Variants in GMPR observed in about 807,000 individuals in gnomAD.
GMPR encodes the protein guanosine monophosphate reductase.
In GMPR, 31 loss-of-function variants were observed where a neutral mutation model predicts 38.4. The observed-to-expected ratio is 0.81, with a 90% CI of 0.61 to 1.09. GMPR has a LOEUF of 1.09. GMPR is among the 50% of genes least tolerant of loss of function. The pLI, the probability that GMPR is intolerant of heterozygous loss-of-function variation, is 0.00. For missense variants in GMPR, 468 were observed against 453.7 expected (o/e 1.03, Z -0.29); for synonymous variants, 162 against 173.3 (o/e 0.93, Z 0.51).
chr6:16,276,297 G>A (rs1759470921), intron 5 of GMPR, among the ~76,000 whole-genome samples: 1 of 152,044 alleles, frequency 6.6e-6, no homozygotes, highest in Non-Finnish European at 1.5e-5. Flanking sequence ...AGCCTCCTGA[G>A]TAACTGGGAT....
intron 4 of GMPR, 140 bp downstream of exon 4, chr6:16,254,875 G>A (rs1758945267): frequency 5.0e-6 from 3 of 604,646 alleles, no homozygotes; most frequent in East Asian, 2.6e-5. Flanking sequence ...GGATCATTTG[G>A]GAAAGGATAG....
chr6:16,246,334 A>G (rs1004342206), intron 1 of GMPR, among the ~76,000 whole-genome samples: 5 of 152,210 alleles, frequency 3.3e-5, no homozygotes, highest in Admixed American at 6.5e-5. Context: ...GTTGCAATGT[A>G]CTTTCCACCA....
chr6:16,266,129 CT>C (rs1759208487), intron 4 of GMPR, among the ~76,000 whole-genome samples: 2 of 106,356 alleles, frequency 1.9e-5, no homozygotes, highest in African/African-American at 9.7e-5. Context: ...AGCTGTAACA[CT>C]TGCCATCTTT....
chr6:16,260,709 G>C (rs1759067308), intron 4 of GMPR, among the ~76,000 whole-genome samples: 1 of 152,018 alleles, frequency 6.6e-6, no homozygotes, highest in Non-Finnish European at 1.5e-5. Flanking sequence ...GCCTTTGCTG[G>C]TGTGTGGCGA....
Position 16,274,509 on chromosome 6 carries a change from A to C in GMPR, c.547+13A>C, listed in dbSNP as rs763561635. ...GGAGTTGGACCAGGTAAGACTTGTT[A>C]GGAGCACAGCAGAGGACGTGTGTGG... is the stretch of plus-strand genomic sequence containing the variant. On this transcript the variant is annotated intron_variant, in intron 5 of 8. Coordinates refer to ENST00000259727, the MANE Select transcript of GMPR (RefSeq NM_006877.4). 3 of 1,486,302 alleles carry C rather than the reference A, an allele frequency of 2.0e-6. No homozygotes were observed. Among genetic ancestry groups the C allele is most frequent in the Non-Finnish European group, 2.8e-6 (3 of 1,063,288 alleles). 92.1% of individuals were successfully genotyped at this position (1,486,302 alleles called of 1,614,324 possible). A position where few individuals can be genotyped will look rare whatever the true frequency, so the allele number is the denominator to read the frequency against.
At chr6:16,288,438 G>A (rs1291782978) in intron 7 of GMPR, among the ~76,000 whole-genome samples, 1 of 152,230 alleles carries the variant, frequency 6.6e-6, no homozygotes, top group East Asian at 1.9e-4. Context: ...CTCCAGCAGT[G>A]CCAGCCCACT....
chr6:16,247,884 G>C (rs1265872592), intron 2 of GMPR, among the ~76,000 whole-genome samples: 1 of 152,060 alleles, frequency 6.6e-6, no homozygotes, highest in African/African-American at 2.4e-5. Context: ...AAAGCTCAAA[G>C]TCTCTTTTAG....
intron 7 of GMPR, among the ~76,000 whole-genome samples, chr6:16,286,632 T>A (rs1338982626): frequency 6.6e-6 from 1 of 152,024 alleles, no homozygotes; most frequent in African/African-American, 2.4e-5. Flanking sequence ...ATTTTCAGGC[T>A]GGGTGCGGTG....
intron 6 of GMPR, 68 bp from the exon 7 acceptor site, chr6:16,285,725 G>C (rs950815824): frequency 1.6e-5 from 22 of 1,338,458 alleles, no homozygotes; most frequent in Non-Finnish European, 2.0e-5. Context: ...TAGGTCATCT[G>C]GGGGGAGGGG....
chr6:16,288,570 CTCCCTAA>C, intron 7 of GMPR, among the ~76,000 whole-genome samples: 1 of 152,304 alleles, frequency 6.6e-6, no homozygotes, highest in Non-Finnish European at 1.5e-5. Context: ...CGGCGGGAGC[CTCCCTAA>C]TGAGCGCCGC....
rs564053238 is a variant in GMPR, at chr6:16,253,572, C to T, written c.292-990C>T. Among the ~76,000 whole-genome samples the T allele has an allele frequency of 6.8e-4, 103 of 152,268 alleles. No homozygotes were observed. The Middle Eastern group carries it at 0.017, about 25-fold the overall frequency. On this transcript the variant is annotated intron_variant, in intron 3 of 8. Coordinates refer to ENST00000259727, the MANE Select transcript of GMPR (RefSeq NM_006877.4). ...ATGGCCCAAGCCATTGATAAGGGAT[C>T]CACCCCCATGACCCATACACCTCCC...
chr6:16,248,592 A>C (rs150321581), intron 2 of GMPR, among the ~76,000 whole-genome samples: 1,998 of 152,296 alleles, frequency 0.013, 34 homozygotes, highest in African/African-American at 0.039. Context: ...CAAATAAATT[A>C]TGAGCTCCCA....
In GMPR at chr6:16,278,891, G is replaced by A; in HGVS notation, c.654+1G>A. ...TGGCCTGAAGGGCCACATCATCTCT[G>A]TGAGTCTCCACCCGGGGCTGAGGCT... On this transcript the variant is annotated splice_donor_variant, in intron 6 of 8. Transcript: ENST00000259727. LOFTEE classifies it high-confidence loss of function. 1 of 1,594,896 alleles carries A rather than the reference G, an allele frequency of 6.3e-7. No individual in the cohort carries two copies. The highest frequency in any genetic ancestry group is 8.6e-7 in the Non-Finnish European group (1 of 1,163,238).
intron 4 of GMPR, among the ~76,000 whole-genome samples, chr6:16,266,472 TGTG>T (rs1759232601): frequency 2.1e-5 from 2 of 96,378 alleles, no homozygotes; most frequent in Non-Finnish European, 1.9e-5. Context: ...TAACACTTCC[TGTG>T]GAAAAGGTGG....
At position 16,295,174 on chromosome 6, in the gene GMPR, C is replaced by G; in HGVS notation, c.1026C>G (p.Thr342=). The G allele has an allele frequency of 6.6e-7, 1 of 1,522,194 alleles. No homozygotes were observed. The highest frequency in any genetic ancestry group is 8.8e-7 in the Non-Finnish European group (1 of 1,141,704). 94.3% of individuals were successfully genotyped at this position (1,522,194 alleles called of 1,614,324 possible). A position where few individuals can be genotyped will look rare whatever the true frequency, so the allele number is the denominator to read the frequency against. The change falls in exon 9 of 9, where the codon ACC becomes ACG. Residue 342 remains threonine, a synonymous_variant. Coordinates refer to ENST00000259727, the MANE Select transcript of GMPR (RefSeq NM_006877.4). ...TFIRVTQQHN[T]VFS ...TCCGGGTGACCCAGCAGCACAACAC[C>G]GTGTTCAGCTAACCCTGGGGACAAA...
chr6:16,279,706 G>A (rs1287593312), intron 6 of GMPR, among the ~76,000 whole-genome samples: 2 of 152,212 alleles, frequency 1.3e-5, no homozygotes, highest in Non-Finnish European at 2.9e-5. Flanking sequence ...TGCATCTGGG[G>A]CGAGTGACCT....
chr6:16,242,853 G>A (rs1041497031), intron 1 of GMPR, among the ~76,000 whole-genome samples: 2 of 152,152 alleles, frequency 1.3e-5, no homozygotes, highest in African/African-American at 4.8e-5. Flanking sequence ...GGTCAGGCTG[G>A]TCTTGAACTC....
At chr6:16,269,940 C>T (rs2113690395) in intron 4 of GMPR, among the ~76,000 whole-genome samples, 1 of 152,354 alleles carries the variant, frequency 6.6e-6, no homozygotes, top group Admixed American at 6.5e-5. Context: ...TCATTGTCAC[C>T]TCATGTGGAT....
intron 6 of GMPR, among the ~76,000 whole-genome samples, chr6:16,280,776 A>T (rs1261736035): frequency 6.6e-6 from 1 of 152,154 alleles, no homozygotes; most frequent in African/African-American, 2.4e-5. Flanking sequence ...CCCCATATGT[A>T]ATTAGTCCTG....
Sources: gnomAD v4.1 joint callset for allele counts (sites outside exome capture counted in the v4.1 genomes callset) on GRCh38, gnomAD v4.1.1 for gene constraint, MANE v1.5 for transcripts, NCBI Gene and HGNC (gene_info 2026-07-23, HGNC 2026-07-21) for gene names.